The following ABTB3 variants were observed in gnomAD, a reference collection of about 807,000 sequenced individuals.
The protein encoded by ABTB3 is ankyrin repeat- and BTB/POZ domain-containing protein 3.
At chr12:107,397,324 T>C in the ABTB3 span, among the ~76,000 whole-genome samples, 1 of 152,228 alleles carries the variant, frequency 6.6e-6, no homozygotes, top group African/African-American at 2.4e-5. Flanking sequence ...GGGTGTGGAA[T>C]GGAGCTCAGA....
chr12:107,462,858 G>A, the ABTB3 span, among the ~76,000 whole-genome samples: 15 of 151,782 alleles, frequency 9.9e-5, no homozygotes, highest in South Asian at 4.2e-4. Context: ...AGTAGTGACC[G>A]TGATGATAAT....
At chr12:107,430,452 C>T in the ABTB3 span, among the ~76,000 whole-genome samples, 2 of 152,180 alleles carry the variant, frequency 1.3e-5, no homozygotes, top group Non-Finnish European at 2.9e-5. Context: ...ACAATTTATA[C>T]TCTAATAATC....
the ABTB3 span, among the ~76,000 whole-genome samples, chr12:107,323,643 C>A: frequency 6.6e-6 from 1 of 152,136 alleles, no homozygotes; most frequent in Non-Finnish European, 1.5e-5. Context: ...CTTCACTGTG[C>A]CTTTGTATGT....
chr12:107,378,028 T>G, the ABTB3 span, among the ~76,000 whole-genome samples: 1 of 152,204 alleles, frequency 6.6e-6, no homozygotes, highest in Non-Finnish European at 1.5e-5. Context: ...GTGGGGAACA[T>G]AATCTCATTA....
chr12:107,374,185 T>G, the ABTB3 span, among the ~76,000 whole-genome samples: 1 of 152,184 alleles, frequency 6.6e-6, no homozygotes, highest in East Asian at 1.9e-4. Context: ...AGCACTTCTT[T>G]GTTCTCCCCT....
At chr12:107,600,550 C>T in the ABTB3 span, among the ~76,000 whole-genome samples, 1 of 152,182 alleles carries the variant, frequency 6.6e-6, no homozygotes, top group South Asian at 2.1e-4. Context: ...TTCCCAGGGG[C>T]CCACACAGCA....
chr12:107,477,839 G>A, the ABTB3 span, among the ~76,000 whole-genome samples: 2 of 152,142 alleles, frequency 1.3e-5, no homozygotes, highest in Non-Finnish European at 2.9e-5. Context: ...TGCTTACTCT[G>A]GTGAACTATA....
At chr12:107,586,011 T>C in the ABTB3 span, among the ~76,000 whole-genome samples, 1 of 152,052 alleles carries the variant, frequency 6.6e-6, no homozygotes. Context: ...TGGTAAACAA[T>C]AGCAGACAAA....
the ABTB3 span, among the ~76,000 whole-genome samples, chr12:107,390,993 A>C: frequency 6.6e-6 from 1 of 152,138 alleles, no homozygotes; most frequent in African/African-American, 2.4e-5. Context: ...TCTATTAAAA[A>C]GGCAAAAATT....
At chr12:107,410,897 G>T in the ABTB3 span, among the ~76,000 whole-genome samples, 18 of 152,144 alleles carry the variant, frequency 1.2e-4, no homozygotes, top group Non-Finnish European at 5.9e-5. Context: ...AGCTTTCAGG[G>T]TATAGACAGA....
the ABTB3 span, among the ~76,000 whole-genome samples, chr12:107,543,706 A>G: frequency 6.6e-6 from 1 of 151,996 alleles, no homozygotes; most frequent in Admixed American, 6.5e-5. Context: ...GATTAAAATG[A>G]TCTTAGCCGC....
chr12:107,607,131 C>T, the ABTB3 span, among the ~76,000 whole-genome samples: 1 of 152,206 alleles, frequency 6.6e-6, no homozygotes, highest in African/African-American at 2.4e-5. Context: ...TCTCTGGCCT[C>T]TCCCAGATAA....
chr12:107,631,501 C>T, the ABTB3 span, among the ~76,000 whole-genome samples: 1 of 152,250 alleles, frequency 6.6e-6, no homozygotes, highest in African/African-American at 2.4e-5. Flanking sequence ...AATGGTAGCT[C>T]TATTTTTAGT....
the ABTB3 span, among the ~76,000 whole-genome samples, chr12:107,360,930 A>ATTTTTTTTTTTTTT: frequency 2.4e-4 from 20 of 84,438 alleles, 1 homozygote; most frequent in Non-Finnish European, 3.1e-4. Context: ...ATTTAATTTA[A>ATTTTTTTTTTTTTT]TTTTTTTTTT....
At chr12:107,345,308 A>G in the ABTB3 span, among the ~76,000 whole-genome samples, 1 of 152,250 alleles carries the variant, frequency 6.6e-6, no homozygotes, top group Non-Finnish European at 1.5e-5. Context: ...CTCCAAGGCT[A>G]TTCATAAGGC....
the ABTB3 span, among the ~76,000 whole-genome samples, chr12:107,383,807 G>T: frequency 6.6e-6 from 1 of 152,184 alleles, no homozygotes; most frequent in Non-Finnish European, 1.5e-5. Flanking sequence ...TTATGGAAAT[G>T]GTGTGTGTCC....
At chr12:107,380,590 C>T in the ABTB3 span, among the ~76,000 whole-genome samples, 1 of 152,128 alleles carries the variant, frequency 6.6e-6, no homozygotes, top group Non-Finnish European at 1.5e-5. Flanking sequence ...GCTGATTTAC[C>T]TAGCATCTAC....
chr12:107,652,909 AT>A, the ABTB3 span, among the ~76,000 whole-genome samples: 4 of 152,014 alleles, frequency 2.6e-5, no homozygotes, highest in Non-Finnish European at 4.4e-5. Context: ...TTATTTATTT[AT>A]TTATTTTTAT....
the ABTB3 span, among the ~76,000 whole-genome samples, chr12:107,363,211 C>G: frequency 6.6e-6 from 1 of 152,322 alleles, no homozygotes; most frequent in Admixed American, 6.5e-5. Flanking sequence ...TCATTAATTG[C>G]TTTTGAAAGA....
Sources: allele counts gnomAD v4.1 joint callset (sites outside exome capture counted in the v4.1 genomes callset), GRCh38; gene constraint gnomAD v4.1.1; transcripts MANE v1.5; gene names NCBI Gene and HGNC (gene_info 2026-07-23, HGNC 2026-07-21).